Variants in NCCRP1 observed in about 807,000 individuals in gnomAD.
The protein encoded by NCCRP1 is F-box only protein 50.
Under a neutral mutation model 34.4 loss-of-function variants are expected in NCCRP1, and 32 were observed. The ratio of observed to expected loss-of-function variants is 0.93; its 90% confidence interval spans 0.70 to 1.25. NCCRP1 has a LOEUF of 1.25. Ranked by LOEUF, NCCRP1 falls within the 50% of genes most tolerant of loss-of-function variation. The probability of loss-of-function intolerance (pLI) is 0.00; values close to 1 mark genes in which losing one functional copy is unlikely to be tolerated. For synonymous variants in NCCRP1, 172 were observed against 180.1 expected (o/e 0.95, Z 0.36); for missense variants, 372 against 391.8 (o/e 0.95, Z 0.43).
intron 1 of NCCRP1, 59 bp from the exon 2 acceptor site, chr19:39,197,994 G>A (rs1369650296): frequency 2.5e-6 from 4 of 1,581,260 alleles, no homozygotes; most frequent in East Asian, 2.2e-5. Flanking sequence ...GGTAGGGAGG[G>A]GTGAGGCGGT....
At chr19:39,198,361 T>A in intron 3 of NCCRP1, 108 bp downstream of exon 3, 1 of 1,198,032 alleles carries the variant, frequency 8.3e-7, no homozygotes, top group East Asian at 2.3e-5. Context: ...CATTTCCTGC[T>A]CTGTAAACAG....
Position 39,200,576 on chromosome 19 carries a change from A to T in NCCRP1, c.688-40A>T, listed in dbSNP as rs11672475. 0.32 allele frequency: 517,392 copies of T among 1,611,910 alleles called. 84,507 individuals carry two copies. The highest frequency in any genetic ancestry group is 0.47 in the East Asian group (21,156 of 44,830). The stretch of plus-strand genomic sequence containing the variant: ...GAGGAGAACAGGTCCGCGGGTCCTC[A>T]AAAAGGGCTCCTCCCTAACCCCAGG... On this transcript the variant is annotated intron_variant, in intron 5 of 5. Coordinates refer to ENST00000339852, the MANE Select transcript of NCCRP1 (RefSeq NM_001001414.2). The surrounding 1 kb of genome is among the most constrained non-coding windows in gnomAD (Gnocchi z 5.8).
At position 39,200,240 on chromosome 19, in the gene NCCRP1, T is replaced by G; in HGVS notation, c.549-106T>G. 1 of 1,456,064 alleles carries G rather than the reference T, an allele frequency of 6.9e-7. No homozygotes were observed. The allele number at this position is 1,456,064 out of a possible 1,614,324, so 90.2% of individuals were successfully genotyped here. ...CAGCACCACCCAGCTCAGGGCTGTG[T>G]ACAGCATGGGTAGCAGCATGTGTGT... On this transcript the variant is annotated intron_variant, in intron 4 of 5. Coordinates refer to ENST00000339852, the MANE Select transcript of NCCRP1 (RefSeq NM_001001414.2). This position sits in a 1 kb window ranked among gnomAD's most constrained non-coding sequence, Gnocchi z 5.8.
At position 39,197,233 on chromosome 19, in the gene NCCRP1, T is replaced by C; in HGVS notation, c.251T>C (p.Leu84Pro). The change falls in exon 1 of 6, where the codon CTG (leucine) becomes CCG (proline). Residue 84 changes from leucine (L) to proline (P), a missense_variant. Leu to Pro is a moderately conservative substitution (Grantham distance 98, BLOSUM62 -3). Transcript: ENST00000339852. ...GAGTGGGGGCCGCTGAGCGGGGGCC[T>C]GGAGCTGCCCCAGCGCCTCACCTGG... ...LEEWGPLSGG[L>P]ELPQRLTWKL... 1.4e-6 allele frequency: 2 copies of C among 1,473,612 alleles called. No individual in the cohort carries two copies. The highest frequency in any genetic ancestry group is 1.8e-6 in the Non-Finnish European group (2 of 1,122,824). The allele number at this position is 1,473,612 out of a possible 1,614,324, so 91.3% of individuals were successfully genotyped here.
At position 39,198,074 on chromosome 19, in the gene NCCRP1, C is replaced by G. The variant is rs759878082; in HGVS notation, c.359C>G (p.Ala120Gly). ...NPEGINIYEP[A>G]PPTGPTQRPL... ...TCAGGCATCAACATTTATGAGCCAG[C>G]ACCCCCTACTGGTCCCACCCAGCGA... is the stretch of plus-strand genomic sequence containing the variant. The change falls in exon 2 of 6, where the codon GCA becomes GGA. Residue 120 changes from alanine (A) to glycine (G), a missense_variant. Coordinates refer to ENST00000339852, the MANE Select transcript of NCCRP1 (RefSeq NM_001001414.2). 5 of 1,614,012 alleles carry G rather than the reference C, an allele frequency of 3.1e-6. No individual in the cohort carries two copies. Among genetic ancestry groups the G allele is most frequent in the Non-Finnish European group, 4.2e-6 (5 of 1,180,002 alleles).
intron 3 of NCCRP1, among the ~76,000 whole-genome samples, chr19:39,198,789 C>T (rs1056152428): frequency 6.6e-6 from 1 of 152,124 alleles, no homozygotes; most frequent in Non-Finnish European, 1.5e-5. Context: ...TATTCTAAGG[C>T]TCTTTCCCTG....
rs1415452128 is a variant in NCCRP1 at position 39,197,039 on chromosome 19, C to A, written c.57C>A (p.Pro19=). The change falls in exon 1 of 6, where the codon CCC becomes CCA. Residue 19 remains proline (P), a synonymous_variant. Transcript: ENST00000339852. ...GTGGCGGGATGGAAGCCGATGGGCC[C>A]GCGAGCCTCCAGGAGCTGCCTCCCT... ...ALGGGMEADG[P]ASLQELPPSP... 5 of 1,533,540 alleles carry A rather than the reference C, an allele frequency of 3.3e-6. No homozygotes were observed. Among genetic ancestry groups the A allele is most frequent in the Non-Finnish European group, 4.4e-6 (5 of 1,146,642 alleles). The allele number at this position is 1,533,540 out of a possible 1,614,324, so 95.0% of individuals were successfully genotyped here.
Position 39,200,458 on chromosome 19 carries a change from A to AGAG in NCCRP1, c.664_666dup (p.Gly222dup). 6.2e-7 allele frequency: 1 copy of AGAG among 1,613,462 alleles called. No individual in the cohort carries two copies. The highest frequency in any genetic ancestry group is 8.5e-7 in the Non-Finnish European group (1 of 1,180,020). On this transcript the variant is annotated inframe_insertion, in exon 5 of 6. Coordinates refer to ENST00000339852, the MANE Select transcript of NCCRP1 (RefSeq NM_001001414.2). The surrounding 1 kb of genome is among the most constrained non-coding windows in gnomAD (Gnocchi z 5.8). The stretch of plus-strand genomic sequence containing the variant: ...CCACGTGGCCCCCCGAACTTCTGGG[A>AGAG]GAGGACCCCCTGGCCGCTGGGTCCA...
chr19:39,199,181 A>C lies in NCCRP1; in HGVS notation c.464A>C (p.Lys155Thr). ...CCCTTCTTTCACAGCTGGACAGTGAAGCAGCAGTGTGTGGACCTTCTGGCC... is the reference window on the plus strand; with the variant it reads ...CCCTTCTTTCACAGCTGGACAGTGACGCAGCAGTGTGTGGACCTTCTGGCC... ...KLQQNQSWTV[K>T]QQCVDLLAEG... The change falls in exon 4 of 6, where the codon AAG (lysine) becomes ACG (threonine). Residue 155 changes from lysine to threonine, a missense_variant. Physicochemically the swap from Lys to Thr is moderately conservative, Grantham distance 78 (BLOSUM62 -1). Coordinates refer to ENST00000339852, the MANE Select transcript of NCCRP1 (RefSeq NM_001001414.2). 2 of 1,614,094 alleles carry C rather than the reference A, an allele frequency of 1.2e-6. No homozygotes were observed. Among genetic ancestry groups the C allele is most frequent in the Non-Finnish European group, 1.7e-6 (2 of 1,179,960 alleles).
Position 39,200,478 on chromosome 19 carries a change from G to C in NCCRP1, c.681G>C (p.Trp227Cys), listed in dbSNP as rs1456561630. 4.3e-6 allele frequency: 7 copies of C among 1,613,222 alleles called. No individual in the cohort carries two copies. In the African/African-American group the frequency reaches 6.7e-5, roughly 15 times the overall value. Residue 227 changes from tryptophan to cysteine, a missense_variant, in exon 5 of 6, where the codon TGG becomes TGC. Trp to Cys is a radical substitution (Grantham distance 215). Transcript: ENST00000339852. The surrounding 1 kb of genome is among the most constrained non-coding windows in gnomAD (Gnocchi z 5.8). ...RTSGRGPPGR[W>C]VQVSHVFRHY... ...CTGGGAGAGGACCCCCTGGCCGCTG[G>C]GTCCAGGTGAGACTCTCCGCGCCGG... is the stretch of plus-strand genomic sequence containing the variant.
chr19:39,199,240 C>A lies in NCCRP1; in HGVS notation c.523C>A (p.Gln175Lys), dbSNP rs774828497. The change falls in exon 4 of 6, where the codon CAA becomes AAA. Residue 175 changes from glutamine (Q) to lysine (K), a missense_variant. Coordinates refer to ENST00000339852, the MANE Select transcript of NCCRP1 (RefSeq NM_001001414.2). ...GLWEELLDDE[Q>K]PAITVMDWFE... Reference sequence around the variant, plus strand: ...GTGGGAGGAGCTGCTGGATGACGAACAACCAGCCATTACGGTCATGGACTG... The same window carrying A: ...GTGGGAGGAGCTGCTGGATGACGAAAAACCAGCCATTACGGTCATGGACTG... The A allele has an allele frequency of 1.7e-5, 27 of 1,613,960 alleles. No individual in the cohort carries two copies. The South Asian group carries it at 2.9e-4, about 17-fold the overall frequency.
At position 39,200,451 on chromosome 19, in the gene NCCRP1, T is replaced by G; in HGVS notation, c.654T>G (p.Thr218=). Residue 218 remains threonine (T), a synonymous_variant, in exon 5 of 6, where the codon ACT becomes ACG. Coordinates refer to ENST00000339852, the MANE Select transcript of NCCRP1 (RefSeq NM_001001414.2). This position sits in a 1 kb window ranked among gnomAD's most constrained non-coding sequence, Gnocchi z 5.8. ...VIAQHHVAPR[T]SGRGPPGRWV... The stretch of plus-strand genomic sequence containing the variant: ...CTCAGCACCACGTGGCCCCCCGAAC[T>G]TCTGGGAGAGGACCCCCTGGCCGCT... 2 of 1,613,498 alleles carry G rather than the reference T, an allele frequency of 1.2e-6. No individual in the cohort carries two copies. Among genetic ancestry groups the G allele is most frequent in the South Asian group, 2.2e-5 (2 of 91,078 alleles).
rs761414453 is a variant in NCCRP1 at position 39,198,097 on chromosome 19, C to T, written c.382C>T (p.Arg128Ter). 16 of 1,614,052 alleles carry T rather than the reference C, an allele frequency of 9.9e-6. No homozygotes were observed. Among genetic ancestry groups the T allele is most frequent in the Middle Eastern group, 3.3e-4 (2 of 6,074 alleles). ...EPAPPTGPTQ[R>*]PLETLGNFRG... is the part of the protein sequence containing the mutation. The stretch of plus-strand genomic sequence containing the variant: ...AGCACCCCCTACTGGTCCCACCCAG[C>T]GACCCCTGGAAACTCTGGGTAAGTG... Residue 128 changes from arginine to a stop codon, truncating the protein, a stop_gained, in exon 2 of 6, where the codon CGA (arginine) becomes TGA (stop). Coordinates refer to ENST00000339852, the MANE Select transcript of NCCRP1 (RefSeq NM_001001414.2). LOFTEE classifies it high-confidence loss of function.
At chr19:39,199,122 G>A in intron 3 of NCCRP1, 48 bp from the exon 4 acceptor site, 2 of 1,569,056 alleles carry the variant, frequency 1.3e-6, no homozygotes, top group Non-Finnish European at 1.8e-6. Flanking sequence ...CTGCTCCCTG[G>A]ATCCTGGCAG....
At position 39,198,267 on chromosome 19, in the gene NCCRP1, G is replaced by A; in HGVS notation, c.452+14G>A. 6.2e-7 allele frequency: 1 copy of A among 1,613,882 alleles called. No homozygotes were observed. The highest frequency in any genetic ancestry group is 8.5e-7 in the Non-Finnish European group (1 of 1,179,848). On this transcript the variant is annotated intron_variant, in intron 3 of 5. Transcript: ENST00000339852. ...GCAGAACCAAAGGTGAGTCGCCAGG[G>A]CCAGTGTGGCTTACACTCCATTCCC...
intron 4 of NCCRP1, among the ~76,000 whole-genome samples, chr19:39,199,477 TTTTTC>T (rs1181968424): frequency 6.7e-6 from 1 of 148,916 alleles, no homozygotes; most frequent in Non-Finnish European, 1.5e-5. Flanking sequence ...TCTTTATTTC[TTTTTC>T]TTTTCTTTTT....
chr19:39,200,436 CG>C lies in NCCRP1; in HGVS notation c.640del (p.Val214TrpfsTer51). On this transcript the variant is annotated frameshift_variant, in exon 5 of 6. Coordinates refer to ENST00000339852, the MANE Select transcript of NCCRP1 (RefSeq NM_001001414.2). LOFTEE classifies it high-confidence loss of function. This position sits in a 1 kb window ranked among gnomAD's most constrained non-coding sequence, Gnocchi z 5.8. ...DRRTVIAQHH[V>X]APRTSGRGPP... ...GCCGCACGGTCATTGCTCAGCACCA[CG>C]TGGCCCCCCGAACTTCTGGGAGAGG... The C allele has an allele frequency of 6.2e-7, 1 of 1,613,520 alleles. No homozygotes were observed. The highest frequency in any genetic ancestry group is 8.5e-7 in the Non-Finnish European group (1 of 1,180,024).
rs11672471 is a variant in NCCRP1, at chr19:39,200,496, C to A, written c.687+12C>A. 0.34 allele frequency: 543,692 copies of A among 1,612,260 alleles called. 93,315 individuals carry two copies. The highest frequency in any genetic ancestry group is 0.47 in the East Asian group (21,117 of 44,848). On this transcript the variant is annotated intron_variant, in intron 5 of 5. Coordinates refer to ENST00000339852, the MANE Select transcript of NCCRP1 (RefSeq NM_001001414.2). This position sits in a 1 kb window ranked among gnomAD's most constrained non-coding sequence, Gnocchi z 5.8. The stretch of plus-strand genomic sequence containing the variant: ...GCCGCTGGGTCCAGGTGAGACTCTC[C>A]GCGCCGGGGCCCTCAACCCCAGACG...
rs1372967025 is a variant in NCCRP1, at chr19:39,201,073, C to T, written c.*317C>T. 1.0e-5 allele frequency: 3 copies of T among 292,892 alleles called. No individual in the cohort carries two copies. The highest frequency in any genetic ancestry group is 1.9e-5 in the Non-Finnish European group (3 of 158,084). The allele number at this position is 292,892 out of a possible 1,614,324, so 18.1% of individuals were successfully genotyped here. On this transcript the variant is annotated 3_prime_UTR_variant, in exon 6 of 6. Transcript: ENST00000339852. ...CTGGTCTCTGCTTCTTTGAACTTCA[C>T]TGAAACTGAATGCTCACTGCTGTGT...
Sources: allele counts gnomAD v4.1 joint callset (sites outside exome capture counted in the v4.1 genomes callset), GRCh38; gene constraint gnomAD v4.1.1; non-coding constraint Gnocchi (gnomAD v3.1); transcripts MANE v1.5; gene names NCBI Gene and HGNC (gene_info 2026-07-23, HGNC 2026-07-21).